Variants in KDM3A observed in about 807,000 individuals in gnomAD.
KDM3A encodes the protein lysine demethylase 3A.
KDM3A carries 60 observed loss-of-function variants against 158.0 expected under a neutral mutation model. The ratio of observed to expected loss-of-function variants is 0.38; its 90% CI spans 0.31 to 0.47. The LOEUF (loss-of-function observed/expected upper bound fraction) is 0.47, where lower values mean the gene tolerates loss of function less well. Ranked by LOEUF, KDM3A falls within the 20% of genes least tolerant of loss-of-function variation. The probability of loss-of-function intolerance (pLI) is 0.99; values close to 1 mark genes in which losing one functional copy is unlikely to be tolerated. For synonymous variants in KDM3A, 608 were observed against 549.3 expected, an observed-to-expected ratio of 1.11 and a Z score of -1.49; for missense variants, 1,319 against 1,574.3, an observed-to-expected ratio of 0.84 and a Z score of 2.74.
In KDM3A at chr2:86,482,717, C is replaced by T. The variant is rs768663937; in HGVS notation, c.2922+23C>T. 5.0e-6 allele frequency: 8 copies of T among 1,610,258 alleles called. No homozygotes were observed. The Admixed American group carries it at 1.0e-4, about 20-fold the overall frequency. On this transcript the variant is annotated intron_variant, in intron 18 of 25. Coordinates refer to ENST00000312912, the MANE Select transcript of KDM3A (RefSeq NM_018433.6). Reference sequence around the variant, plus strand: ...CAGGTAATGTAGGCCTCCCATCCTCCTGCCCTATTCAGAACCCCCTTCTCA... The same window carrying T: ...CAGGTAATGTAGGCCTCCCATCCTCTTGCCCTATTCAGAACCCCCTTCTCA...
chr2:86,471,601 TCCC>T (rs1363959876), intron 11 of KDM3A, among the ~76,000 whole-genome samples: 1 of 152,112 alleles, frequency 6.6e-6, no homozygotes, highest in Non-Finnish European at 1.5e-5. Flanking sequence ...ATTCTCCTCC[TCCC>T]TTTTCATTTT....
intron 11 of KDM3A, among the ~76,000 whole-genome samples, chr2:86,471,980 A>G (rs1673434501): frequency 1.3e-5 from 2 of 152,176 alleles, no homozygotes; most frequent in African/African-American, 2.4e-5. Context: ...TTTTGAAGAC[A>G]CTGAAATGGT....
intron 21 of KDM3A, among the ~76,000 whole-genome samples, chr2:86,486,370 G>A (rs1476059758): frequency 6.6e-6 from 1 of 152,112 alleles, no homozygotes; most frequent in Non-Finnish European, 1.5e-5. Flanking sequence ...CTAACAAGGA[G>A]GATGCCTGGG....
upstream of KDM3A, chr2:86,440,946 G>A (rs1573127554): frequency 6.6e-6 from 1 of 152,394 alleles, no homozygotes; most frequent in Middle Eastern, 3.4e-3. Context: ...CAGCCTACGC[G>A]GTTGAAGAAC....
intron 23 of KDM3A, 184 bp from the exon 24 acceptor site, chr2:86,490,697 G>C (rs981937869): frequency 1.9e-6 from 1 of 519,450 alleles, no homozygotes; most frequent in Non-Finnish European, 3.4e-6. Context: ...CATTTTCTTC[G>C]TCATTCTTCT....
chr2:86,453,594 G>A (rs1015833546), intron 4 of KDM3A, among the ~76,000 whole-genome samples: 5 of 152,216 alleles, frequency 3.3e-5, no homozygotes, highest in South Asian at 2.1e-4. Flanking sequence ...AGCCCTTTGC[G>A]GCTCTTTCCA....
At chr2:86,448,255 T>G (rs1049533317) in intron 2 of KDM3A, among the ~76,000 whole-genome samples, 20 of 152,204 alleles carry the variant, frequency 1.3e-4, no homozygotes, top group Non-Finnish European at 2.5e-4. Context: ...AGATCTTAGA[T>G]TTCATTTATT....
chr2:86,442,985 G>A (rs1386880875), intron 2 of KDM3A, among the ~76,000 whole-genome samples: 2 of 152,124 alleles, frequency 1.3e-5, no homozygotes, highest in African/African-American at 2.4e-5. Flanking sequence ...ACCTTTTTCT[G>A]TTAGATCTTT....
chr2:86,491,737 G>A (rs1674465783), intron 25 of KDM3A: 1 of 357,366 alleles, frequency 2.8e-6, no homozygotes, highest in African/African-American at 2.1e-5. Context: ...TGGAAAATAA[G>A]GGAAAAATGA....
chr2:86,456,916 TTTCCTCCG>T, intron 7 of KDM3A, 39 bp downstream of exon 7: 1 of 1,571,214 alleles, frequency 6.4e-7, no homozygotes. Context: ...TCCTTCCTCC[TTTCCTCCG>T]TTCTTCTCAC....
At position 86,482,646 on chromosome 2, in the gene KDM3A, C is replaced by G. The variant is rs1673993401; in HGVS notation, c.2874C>G (p.Asn958Lys). The change falls in exon 18 of 26, where the codon AAC becomes AAG. Residue 958 changes from asparagine to lysine, a missense_variant. Around this residue, in one of 4 missense-constraint regions of KDM3A, gnomAD observed 368 missense variants for 415.8 expected, o/e 0.89. Coordinates refer to ENST00000312912, the MANE Select transcript of KDM3A (RefSeq NM_018433.6). ...GCTTGCTGTGCTTGCAAGACCCCAA[C>G]AATAAGAGCAACTGGAATGTGTTTA... ...DNRLLCLQDP[N>K]NKSNWNVFRE... The G allele has an allele frequency of 6.2e-7, 1 of 1,614,126 alleles. No individual in the cohort carries two copies. The highest frequency in any genetic ancestry group is 8.5e-7 in the Non-Finnish European group (1 of 1,180,020).
chr2:86,459,376 G>C (rs1304632795), intron 8 of KDM3A, among the ~76,000 whole-genome samples: 3 of 152,166 alleles, frequency 2.0e-5, no homozygotes, highest in Non-Finnish European at 4.4e-5. Context: ...TAGAGAAATT[G>C]TTGGCAGTCT....
chr2:86,487,597 C>CT (rs369970988), intron 21 of KDM3A: 6 of 152,160 alleles, frequency 3.9e-5, no homozygotes, highest in African/African-American at 1.2e-4. Context: ...GAAACTAGTA[C>CT]TTAGATCTCC....
intron 8 of KDM3A, among the ~76,000 whole-genome samples, chr2:86,459,224 G>T (rs892443823): frequency 6.6e-6 from 1 of 152,152 alleles, no homozygotes; most frequent in African/African-American, 2.4e-5. Flanking sequence ...GGAACAGATA[G>T]TAAGGCTCTG....
rs758929147 is a variant in KDM3A at position 86,478,119 on chromosome 2, T to A, written c.2093-51T>A. Reference sequence around the variant, plus strand: ...TGTGTTTGGCGGGTTTCTTGAAGCATGTGGAGACAGAGTCTGTAAAGAACA... The same window carrying A: ...TGTGTTTGGCGGGTTTCTTGAAGCAAGTGGAGACAGAGTCTGTAAAGAACA... On this transcript the variant is annotated intron_variant, in intron 13 of 25. Coordinates refer to ENST00000312912, the MANE Select transcript of KDM3A (RefSeq NM_018433.6). 8 of 1,608,886 alleles carry A rather than the reference T, an allele frequency of 5.0e-6. No homozygotes were observed. In the South Asian group the frequency reaches 8.8e-5, roughly 18 times the overall value.
At chr2:86,458,661 C>T (rs895625657) in intron 8 of KDM3A, among the ~76,000 whole-genome samples, 5 of 152,276 alleles carry the variant, frequency 3.3e-5, no homozygotes, top group South Asian at 4.1e-4. Context: ...CCTCAAGAAG[C>T]AGCCTGGGCA....
At chr2:86,441,659 C>T (rs1235565069) in intron 1 of KDM3A, among the ~76,000 whole-genome samples, 1 of 150,732 alleles carries the variant, frequency 6.6e-6, no homozygotes, top group Non-Finnish European at 1.5e-5. Flanking sequence ...GGGCGGGGAC[C>T]CAGCCGCCCG....
chr2:86,461,604 G>A (rs1435263521), intron 8 of KDM3A, among the ~76,000 whole-genome samples: 1 of 152,170 alleles, frequency 6.6e-6, no homozygotes, highest in Non-Finnish European at 1.5e-5. Flanking sequence ...GTGAATAAGT[G>A]AAAGGTACTT....
chr2:86,474,391 G>A (rs1051961874), intron 11 of KDM3A, among the ~76,000 whole-genome samples: 3 of 152,110 alleles, frequency 2.0e-5, no homozygotes, highest in African/African-American at 4.8e-5. Flanking sequence ...GGATGGGCAC[G>A]GTGGCTCATG....
Sources: gnomAD v4.1 joint callset for allele counts (sites outside exome capture counted in the v4.1 genomes callset) on GRCh38, gnomAD v4.1.1 for gene constraint, gnomAD v4.1.1 regional missense constraint, MANE v1.5 for transcripts, NCBI Gene and HGNC (gene_info 2026-07-23, HGNC 2026-07-21) for gene names.